RNF220: variants seen among roughly 807,000 people sequenced by gnomAD.
RNF220 encodes the protein ring finger protein 220, also known as E3 ubiquitin-protein ligase RNF220.
A neutral mutation model predicts 67.1 loss-of-function variants in RNF220; 7 were observed. That is an observed-to-expected ratio of 0.10 (90% CI 0.06 to 0.20). The LOEUF is 0.20. RNF220 is among the 10% of genes least tolerant of loss of function. The probability of loss-of-function intolerance (pLI) is 1.00; values close to 1 mark genes in which losing one functional copy is unlikely to be tolerated. For synonymous variants in RNF220, 270 were observed against 283.2 expected (o/e 0.95, Z 0.47); for missense variants, 565 against 740.3 (o/e 0.76, Z 2.75).
intron 8 of RNF220, among the ~76,000 whole-genome samples, chr1:44,642,822 T>C (rs1329742047): frequency 6.6e-6 from 1 of 152,124 alleles, no homozygotes; most frequent in Non-Finnish European, 1.5e-5. Context: ...GAGCAGAAGA[T>C]GTGAGGCCAG....
intron 2 of RNF220, among the ~76,000 whole-genome samples, chr1:44,490,308 A>G (rs919250128): frequency 1.3e-5 from 2 of 151,952 alleles, no homozygotes; most frequent in Non-Finnish European, 2.9e-5. Context: ...GTCTCTAGTA[A>G]AGATAAAAAA....
intron 1 of RNF220, chr1:44,408,770 C>A (rs969476397): frequency 8.6e-5 from 13 of 152,036 alleles, no homozygotes; most frequent in African/African-American, 3.1e-4. Flanking sequence ...GTTTGGTGGG[C>A]GCCCTGAGCT....
At chr1:44,406,304 C>G (rs979407499) in intron 1 of RNF220, among the ~76,000 whole-genome samples, 1 of 152,078 alleles carries the variant, frequency 6.6e-6, no homozygotes, top group Non-Finnish European at 1.5e-5. Context: ...TAGAGGCGGA[C>G]CGTTCTAAAC....
intron 2 of RNF220, among the ~76,000 whole-genome samples, chr1:44,479,788 T>G (rs1368831919): frequency 6.6e-6 from 1 of 152,230 alleles, no homozygotes; most frequent in Non-Finnish European, 1.5e-5. Flanking sequence ...ATATTCCCAC[T>G]GAATCCTGCT....
At chr1:44,577,309 G>A (rs1399541452) in intron 2 of RNF220, among the ~76,000 whole-genome samples, 1 of 150,180 alleles carries the variant, frequency 6.7e-6, no homozygotes, top group South Asian at 2.1e-4. Context: ...CCTCTTACCC[G>A]CTGCCACCTC....
intron 2 of RNF220, among the ~76,000 whole-genome samples, chr1:44,413,530 T>G (rs1163325023): frequency 6.6e-6 from 1 of 152,252 alleles, no homozygotes; most frequent in Non-Finnish European, 1.5e-5. Flanking sequence ...ACTTGTAGAC[T>G]AGGAGTGCTG....
In RNF220 at chr1:44,622,837, A is replaced by T. The variant is rs201530357; in HGVS notation, c.804+50A>T. On this transcript the variant is annotated intron_variant, in intron 4 of 14. Transcript: ENST00000361799. The surrounding 1 kb of genome is among the most constrained non-coding windows in gnomAD (Gnocchi z 4.3). ...CTCCTGCCCATACTAACCTAGGCCT[A>T]CCCAGAACTGGTTCCTCCTGAGAAA... The T allele has an allele frequency of 3.9e-5, 59 of 1,524,738 alleles. No homozygotes were observed. The East Asian group carries it at 1.3e-3, about 34-fold the overall frequency. 94.5% of individuals were successfully genotyped at this position (1,524,738 alleles called of 1,614,324 possible).
intron 6 of RNF220, 51 bp downstream of exon 6, chr1:44,632,436 C>G (rs761328605): frequency 1.3e-6 from 2 of 1,515,338 alleles, no homozygotes; most frequent in East Asian, 4.9e-5. Flanking sequence ...CTCCTCCCTC[C>G]CTCCCTCACT....
chr1:44,543,814 C>T (rs1444582013), intron 2 of RNF220, among the ~76,000 whole-genome samples: 2 of 152,126 alleles, frequency 1.3e-5, no homozygotes, highest in Non-Finnish European at 2.9e-5. Flanking sequence ...TTCTTGAACC[C>T]CTCCCCCGTC....
chr1:44,510,169 G>A (rs1343795121), intron 2 of RNF220, among the ~76,000 whole-genome samples: 1 of 151,014 alleles, frequency 6.6e-6, no homozygotes, highest in East Asian at 1.9e-4. Flanking sequence ...AGCCCAGGAG[G>A]TCAAGGCAGC....
At chr1:44,614,415 T>C (rs1643455198) in intron 3 of RNF220, 118 bp downstream of exon 3, 2 of 1,125,436 alleles carry the variant, frequency 1.8e-6, no homozygotes, top group Non-Finnish European at 2.5e-6. Flanking sequence ...GACAGGACCC[T>C]GCCACCCTTC....
At chr1:44,563,745 T>C (rs1021877347) in intron 2 of RNF220, among the ~76,000 whole-genome samples, 1 of 152,210 alleles carries the variant, frequency 6.6e-6, no homozygotes, top group Non-Finnish European at 1.5e-5. Flanking sequence ...GTTGTACTCC[T>C]CGAATGAGAT....
At chr1:44,485,888 C>G (rs1441152839) in intron 2 of RNF220, among the ~76,000 whole-genome samples, 3 of 151,084 alleles carry the variant, frequency 2.0e-5, no homozygotes, top group Non-Finnish European at 4.4e-5. Context: ...ATAGGGGAAC[C>G]GTGTTGTTAC....
At chr1:44,476,348 T>G (rs1438276854) in intron 2 of RNF220, among the ~76,000 whole-genome samples, 2 of 152,278 alleles carry the variant, frequency 1.3e-5, no homozygotes, top group East Asian at 3.9e-4. Flanking sequence ...ATATAATGTT[T>G]AATAAAAGTT....
chr1:44,421,936 T>C (rs1388810046), intron 2 of RNF220, among the ~76,000 whole-genome samples: 1 of 152,126 alleles, frequency 6.6e-6, no homozygotes, highest in Non-Finnish European at 1.5e-5. Context: ...CAGAAATAGC[T>C]GTTGGCAGCC....
intron 2 of RNF220, among the ~76,000 whole-genome samples, chr1:44,507,448 G>A (rs996198787): frequency 2.0e-5 from 3 of 152,050 alleles, no homozygotes; most frequent in African/African-American, 4.8e-5. Flanking sequence ...GAAATGCTGC[G>A]GTGATTGGGG....
intron 2 of RNF220, among the ~76,000 whole-genome samples, chr1:44,607,041 C>T (rs952162764): frequency 4.6e-5 from 7 of 152,196 alleles, no homozygotes; most frequent in South Asian, 2.1e-4. Flanking sequence ...GTTGCTCAAG[C>T]GAGAAACCTT....
At position 44,412,629 on chromosome 1, in the gene RNF220, A is replaced by C. The variant is rs1476493937; in HGVS notation, c.532A>C (p.Lys178Gln). 2 of 1,614,006 alleles carry C rather than the reference A, an allele frequency of 1.2e-6. No individual in the cohort carries two copies. Among genetic ancestry groups the C allele is most frequent in the Admixed American group, 1.7e-5 (1 of 60,006 alleles). Residue 178 changes from lysine (K) to glutamine (Q), a missense_variant, in exon 2 of 15, where the codon AAG becomes CAG. By Grantham distance (53) the Lys-to-Gln change is moderately conservative. Coordinates refer to ENST00000361799, the MANE Select transcript of RNF220 (RefSeq NM_018150.4). This position sits in a 1 kb window ranked among gnomAD's most constrained non-coding sequence, Gnocchi z 5.3. ...GCCATCTAGCTCCCCCGGTTCACTA[A>C]AGGTTGATGACACTGGGAAGAAGAT... ...QLPSSSPGSL[K>Q]VDDTGKKIFA...
chr1:44,410,044 G>A (rs1056689616), intron 1 of RNF220, among the ~76,000 whole-genome samples: 1 of 152,208 alleles, frequency 6.6e-6, no homozygotes, highest in Middle Eastern at 3.4e-3. Flanking sequence ...GATTCACCAG[G>A]TTCTGTTGGA....
Sources: gnomAD v4.1 joint callset for allele counts (sites outside exome capture counted in the v4.1 genomes callset) on GRCh38, gnomAD v4.1.1 for gene constraint, Gnocchi (gnomAD v3.1) non-coding constraint, MANE v1.5 for transcripts, NCBI Gene and HGNC (gene_info 2026-07-23, HGNC 2026-07-21) for gene names.